The following CPNE4 variants were observed in gnomAD, a reference collection of about 807,000 sequenced individuals.
CPNE4 encodes copine-4.
Under a neutral mutation model 67.9 loss-of-function variants are expected in CPNE4, and 25 were observed. That is an observed-to-expected ratio of 0.37 (90% CI 0.27 to 0.51). CPNE4 has a LOEUF of 0.51. CPNE4 is among the 20% of genes least tolerant of loss of function. The probability of loss-of-function intolerance (pLI) is 0.93; values close to 1 mark genes in which losing one functional copy is unlikely to be tolerated. For missense variants in CPNE4, 464 were observed against 690.8 expected (o/e 0.67, Z 3.68); for synonymous variants, 242 against 244.9 (o/e 0.99, Z 0.11).
chr3:131,872,479 G>T (rs993004953), intron 2 of CPNE4, among the ~76,000 whole-genome samples: 3 of 152,142 alleles, frequency 2.0e-5, no homozygotes, highest in African/African-American at 7.2e-5. Context: ...CTGGGTGAGG[G>T]TCAGCCTGTT....
At chr3:132,016,268 A>G (rs2073887958) in intron 1 of CPNE4, among the ~76,000 whole-genome samples, 1 of 152,234 alleles carries the variant, frequency 6.6e-6, no homozygotes, top group South Asian at 2.1e-4. Context: ...CCATTGTGTC[A>G]GACCATTAGC....
intron 7 of CPNE4, among the ~76,000 whole-genome samples, chr3:131,633,340 T>C (rs1227185295): frequency 6.6e-6 from 1 of 152,064 alleles, no homozygotes; most frequent in African/African-American, 2.4e-5. Flanking sequence ...CCCTACCACA[T>C]TATAGGTACC....
intron 2 of CPNE4, among the ~76,000 whole-genome samples, chr3:131,765,826 T>A (rs1046254878): frequency 2.0e-5 from 3 of 151,970 alleles, no homozygotes; most frequent in African/African-American, 4.8e-5. Context: ...GAAAAACTTA[T>A]GATGAAGGAG....
chr3:131,616,166 T>A (rs1940145988), intron 7 of CPNE4, among the ~76,000 whole-genome samples: 1 of 152,116 alleles, frequency 6.6e-6, no homozygotes, highest in Non-Finnish European at 1.5e-5. Context: ...CAATGGAGAC[T>A]AACTGAAACA....
chr3:131,964,856 T>C (rs536658044), intron 1 of CPNE4, among the ~76,000 whole-genome samples: 146 of 152,122 alleles, frequency 9.6e-4, no homozygotes, highest in Non-Finnish European at 1.6e-3. Context: ...AACATTCAAA[T>C]TCAGGAAATA....
chr3:131,686,962 T>C (rs540184346), intron 5 of CPNE4, among the ~76,000 whole-genome samples: 69 of 152,326 alleles, frequency 4.5e-4, no homozygotes, highest in Non-Finnish European at 8.7e-4. Context: ...TTTCTGTTTC[T>C]TAGTAGCTAT....
rs373779465 is a variant in CPNE4, at chr3:131,773,114, C to T, written c.181-49489G>A. ...ATAAAATCCAGCATAGGCAAAACACCGTTGACTCTCAATTTGGAATCTCGT... is the reference window on the plus strand; with the variant it reads ...ATAAAATCCAGCATAGGCAAAACACTGTTGACTCTCAATTTGGAATCTCGT... On this transcript the variant is annotated intron_variant, in intron 2 of 15. Transcript: ENST00000429747. 1.4e-3 allele frequency among the ~76,000 whole-genome samples: 209 copies of T among 151,976 alleles called. 2 individuals are homozygous for T. Among genetic ancestry groups the T allele is most frequent in the South Asian group, 0.014 (66 of 4,816 alleles).
chr3:131,785,771 TGA>T (rs749138042), intron 2 of CPNE4, among the ~76,000 whole-genome samples: 29 of 152,096 alleles, frequency 1.9e-4, no homozygotes, highest in Non-Finnish European at 3.5e-4. Context: ...GTATTTCTTG[TGA>T]GTCTGGGTGC....
At chr3:131,734,899 C>T (rs986921510) in intron 2 of CPNE4, among the ~76,000 whole-genome samples, 8 of 151,860 alleles carry the variant, frequency 5.3e-5, no homozygotes, top group Non-Finnish European at 8.8e-5. Flanking sequence ...CCCTCCCCTG[C>T]CCCCCAAAAA....
intron 7 of CPNE4, among the ~76,000 whole-genome samples, chr3:131,652,941 G>T (rs1470203887): frequency 1.3e-5 from 2 of 152,100 alleles, no homozygotes; most frequent in Non-Finnish European, 2.9e-5. Context: ...ATACAAAACT[G>T]AATTCATCTT....
intron 2 of CPNE4, among the ~76,000 whole-genome samples, chr3:131,801,617 A>G (rs2084133646): frequency 6.6e-6 from 1 of 150,378 alleles, no homozygotes; most frequent in African/African-American, 2.4e-5. Context: ...TCAATAAAAG[A>G]GAAATCGGGC....
intron 6 of CPNE4, among the ~76,000 whole-genome samples, chr3:131,672,666 A>G (rs73218432): frequency 0.032 from 4,808 of 152,050 alleles, 107 homozygotes; most frequent in East Asian, 0.1. Context: ...TCTTTTGCCC[A>G]TTTCCAAATT....
intron 5 of CPNE4, among the ~76,000 whole-genome samples, chr3:131,687,773 C>T (rs2080929772): frequency 6.6e-6 from 1 of 152,102 alleles, no homozygotes; most frequent in Non-Finnish European, 1.5e-5. Context: ...CTCAGTCTTC[C>T]AAAGTACCAT....
At chr3:131,901,730 C>G (rs986196168) in intron 2 of CPNE4, among the ~76,000 whole-genome samples, 4 of 152,064 alleles carry the variant, frequency 2.6e-5, no homozygotes, top group Admixed American at 2.0e-4. Context: ...GATGGCCCAG[C>G]TGTTTGGTTC....
At chr3:131,721,573 T>G (rs1203286771) in intron 3 of CPNE4, among the ~76,000 whole-genome samples, 1 of 152,078 alleles carries the variant, frequency 6.6e-6, no homozygotes, top group East Asian at 1.9e-4. Context: ...TTTTTTGTAT[T>G]TTTAGTAGAG....
At chr3:131,895,067 G>A (rs2088273022) in intron 2 of CPNE4, among the ~76,000 whole-genome samples, 1 of 152,052 alleles carries the variant, frequency 6.6e-6, no homozygotes, top group Admixed American at 6.6e-5. Flanking sequence ...CATCAACATG[G>A]ATGAACCTGG....
At chr3:131,760,784 G>A (rs1301933622) in intron 2 of CPNE4, among the ~76,000 whole-genome samples, 2 of 152,084 alleles carry the variant, frequency 1.3e-5, no homozygotes, top group Non-Finnish European at 2.9e-5. Flanking sequence ...TTTTAAAAGG[G>A]CAATTTGGAA....
chr3:131,661,928 G>C (rs995841183), intron 7 of CPNE4, among the ~76,000 whole-genome samples: 1 of 152,052 alleles, frequency 6.6e-6, no homozygotes, highest in Non-Finnish European at 1.5e-5. Flanking sequence ...GTGAAATGTT[G>C]ATGTAATTCA....
chr3:131,913,165 T>A (rs985346782), intron 1 of CPNE4, among the ~76,000 whole-genome samples: 2 of 151,964 alleles, frequency 1.3e-5, no homozygotes, highest in Middle Eastern at 3.2e-3. Flanking sequence ...GACCATCAGG[T>A]GATGGTCAGG....
Sources: allele counts gnomAD v4.1 joint callset (sites outside exome capture counted in the v4.1 genomes callset), GRCh38; gene constraint gnomAD v4.1.1; transcripts MANE v1.5; gene names NCBI Gene and HGNC (gene_info 2026-07-23, HGNC 2026-07-21).